Variants in PPFIBP1 observed in about 807,000 individuals in gnomAD.
PPFIBP1 encodes PPFIB scaffold protein 1, also known as liprin-beta-1.
PPFIBP1 carries 112 observed loss-of-function variants against 137.8 expected under a neutral mutation model. The ratio of observed to expected loss-of-function variants is 0.81; its 90% CI spans 0.70 to 0.95. The LOEUF is 0.95. PPFIBP1 is among the 40% of genes least tolerant of loss of function. The pLI is 0.00. For missense variants in PPFIBP1, 1,083 were observed against 1,196.6 expected (o/e 0.91, Z 1.40); for synonymous variants, 378 against 417.3 (o/e 0.91, Z 1.15).
At chr12:27,571,496 C>T (rs1388888393) in intron 1 of PPFIBP1, among the ~76,000 whole-genome samples, 2 of 151,900 alleles carry the variant, frequency 1.3e-5, no homozygotes, top group Non-Finnish European at 1.5e-5. Flanking sequence ...CTCAAACACA[C>T]ATGATGCAGA....
chr12:27,669,166 C>T (rs4931246), intron 13 of PPFIBP1, among the ~76,000 whole-genome samples: 151,897 of 152,340 alleles, frequency 1, 75,730 homozygotes, highest in Middle Eastern at 1. Context: ...AATTACACAA[C>T]AAGAAGATGA....
chr12:27,600,744 ATACT>A (rs2053890544), intron 2 of PPFIBP1, among the ~76,000 whole-genome samples: 2 of 152,316 alleles, frequency 1.3e-5, no homozygotes, highest in Non-Finnish European at 1.5e-5. Flanking sequence ...ATTTGAATTA[ATACT>A]TAGTATTACA....
chr12:27,680,191 A>G, intron 21 of PPFIBP1, 130 bp downstream of exon 21: 1 of 1,285,736 alleles, frequency 7.8e-7, no homozygotes, highest in South Asian at 1.5e-5. Context: ...GAAAGGGGCC[A>G]TCATCTTTAG....
chr12:27,642,049 G>C (rs1292166430), intron 4 of PPFIBP1, among the ~76,000 whole-genome samples: 11 of 152,200 alleles, frequency 7.2e-5, no homozygotes, highest in Non-Finnish European at 1.5e-4. Context: ...TGTAGCACCT[G>C]CCATGTAGAG....
At chr12:27,598,816 T>G (rs1362502038) in intron 2 of PPFIBP1, among the ~76,000 whole-genome samples, 6 of 152,190 alleles carry the variant, frequency 3.9e-5, no homozygotes, top group Non-Finnish European at 8.8e-5. Context: ...ATACGGCTCA[T>G]GTTAATTTTT....
At chr12:27,670,457 A>G (rs1565981154) in intron 13 of PPFIBP1, among the ~76,000 whole-genome samples, 2 of 152,184 alleles carry the variant, frequency 1.3e-5, no homozygotes, top group Non-Finnish European at 2.9e-5. Flanking sequence ...AATGTTCCAT[A>G]TAAGATTAGT....
chr12:27,645,708 C>T (rs2058427145), intron 4 of PPFIBP1, among the ~76,000 whole-genome samples: 1 of 152,198 alleles, frequency 6.6e-6, no homozygotes, highest in South Asian at 2.1e-4. Context: ...GGAAGAGAGA[C>T]AGACCTCAAC....
intron 2 of PPFIBP1, among the ~76,000 whole-genome samples, chr12:27,632,750 C>CT: frequency 6.6e-6 from 1 of 152,214 alleles, no homozygotes; most frequent in Non-Finnish European, 1.5e-5. Context: ...GAGCTGTTGA[C>CT]TAAGGATTAT....
chr12:27,572,485 C>T (rs568504626), intron 1 of PPFIBP1, among the ~76,000 whole-genome samples: 1 of 152,252 alleles, frequency 6.6e-6, no homozygotes, highest in East Asian at 1.9e-4. Context: ...AATAATTTGG[C>T]AGTATTGGCA....
At chr12:27,552,347 T>C (rs1007891301) in intron 1 of PPFIBP1, among the ~76,000 whole-genome samples, 2 of 152,198 alleles carry the variant, frequency 1.3e-5, no homozygotes, top group African/African-American at 4.8e-5. Context: ...TCAAGAAACC[T>C]TTTGGCTGCA....
rs964211764 is a variant in PPFIBP1, at chr12:27,524,320, G to C, written c.-169G>C. 1 of 152,526 alleles carries C rather than the reference G, an allele frequency of 6.6e-6. No individual in the cohort carries two copies. The highest frequency in any genetic ancestry group is 1.5e-5 in the Non-Finnish European group (1 of 68,324). 9.4% of individuals were successfully genotyped at this position (152,526 alleles called of 1,614,324 possible). A position where few individuals can be genotyped will look rare whatever the true frequency, so the allele number is the denominator to read the frequency against. On this transcript the variant is annotated 5_prime_UTR_variant, in exon 1 of 30. Coordinates refer to ENST00000228425, the MANE Select transcript of PPFIBP1 (RefSeq NM_003622.4). ...GGGGCTTTGAACTCCGAGAGGAGGT[G>C]GACCAGAACTTTTGGAACTAGTGCC...
chr12:27,672,814 A>G (rs1008019176), intron 15 of PPFIBP1, among the ~76,000 whole-genome samples: 12 of 152,206 alleles, frequency 7.9e-5, no homozygotes, highest in African/African-American at 2.4e-4. Context: ...TCCAGTGGGA[A>G]GGCATCACAG....
Position 27,692,910 on chromosome 12 carries a change from T to G in PPFIBP1, c.*28T>G. On this transcript the variant is annotated 3_prime_UTR_variant, in exon 30 of 30. Transcript: ENST00000228425. ...GTAGCACCTGGATGAACATTAGGAGTGCTTAGTCTTTTTTCTACTTGCTTT... is the reference window on the plus strand; with the variant it reads ...GTAGCACCTGGATGAACATTAGGAGGGCTTAGTCTTTTTTCTACTTGCTTT... 1 of 1,612,700 alleles carries G rather than the reference T, an allele frequency of 6.2e-7. No homozygotes were observed. The highest frequency in any genetic ancestry group is 8.5e-7 in the Non-Finnish European group (1 of 1,179,490).
intron 2 of PPFIBP1, among the ~76,000 whole-genome samples, chr12:27,583,346 T>C (rs558943511): frequency 1.2e-3 from 176 of 152,308 alleles, no homozygotes; most frequent in African/African-American, 4.0e-3. Context: ...TTCCAATACA[T>C]TGAAGTCCGG....
At chr12:27,686,521 C>T (rs1041180105) in intron 24 of PPFIBP1, among the ~76,000 whole-genome samples, 3 of 152,250 alleles carry the variant, frequency 2.0e-5, no homozygotes, top group Middle Eastern at 3.4e-3. Flanking sequence ...CATTTTTCTT[C>T]TCTCCTTGAC....
chr12:27,528,474 C>T (rs1318981725), intron 1 of PPFIBP1, among the ~76,000 whole-genome samples: 2 of 152,032 alleles, frequency 1.3e-5, no homozygotes, highest in Non-Finnish European at 2.9e-5. Flanking sequence ...AAAACAAAAC[C>T]CTACAGCTTT....
intron 2 of PPFIBP1, among the ~76,000 whole-genome samples, chr12:27,632,553 T>C (rs1017401946): frequency 2.0e-5 from 3 of 152,238 alleles, no homozygotes; most frequent in Admixed American, 1.3e-4. Context: ...TAGATTGTGA[T>C]GTAATTTCAG....
chr12:27,646,162 A>G lies in PPFIBP1; in HGVS notation c.357+14A>G. ...CTCGTTCTTCAGGCAAGTGATTTTT[A>G]AATACTGTTCTTTCCTTGCAGCATA... On this transcript the variant is annotated intron_variant, in intron 5 of 29. Transcript: ENST00000228425. 6.3e-7 allele frequency: 1 copy of G among 1,576,382 alleles called. No individual in the cohort carries two copies. The highest frequency in any genetic ancestry group is 8.7e-7 in the Non-Finnish European group (1 of 1,146,678).
intron 3 of PPFIBP1, among the ~76,000 whole-genome samples, chr12:27,634,562 G>A (rs1221416168): frequency 6.6e-6 from 1 of 152,072 alleles, no homozygotes; most frequent in Non-Finnish European, 1.5e-5. Context: ...TATTGGTCCG[G>A]AATGGACCAG....
Sources: gnomAD v4.1 joint callset for allele counts (sites outside exome capture counted in the v4.1 genomes callset) on GRCh38, gnomAD v4.1.1 for gene constraint, MANE v1.5 for transcripts, NCBI Gene and HGNC (gene_info 2026-07-23, HGNC 2026-07-21) for gene names.